The following ANO4 variants were observed in gnomAD, a reference collection of about 807,000 sequenced individuals.
ANO4 encodes anoctamin-4.
Under a neutral mutation model 141.9 loss-of-function variants are expected in ANO4, and 69 were observed. That is an observed-to-expected ratio of 0.49 (90% CI 0.40 to 0.59). ANO4 has a LOEUF of 0.59. ANO4 is among the 20% of genes least tolerant of loss of function. The probability of loss-of-function intolerance (pLI) is 0.00; values close to 1 mark genes in which losing one functional copy is unlikely to be tolerated. For missense variants in ANO4, 894 were observed against 1,162.2 expected, an observed-to-expected ratio of 0.77 and a Z score of 3.36; for synonymous variants, 350 against 394.3, an observed-to-expected ratio of 0.89 and a Z score of 1.33.
chr12:100,737,885 A>C (rs948284751), intron 2 of ANO4, among the ~76,000 whole-genome samples: 16 of 152,112 alleles, frequency 1.1e-4, no homozygotes, highest in African/African-American at 3.9e-4. Flanking sequence ...TGTTCCATTT[A>C]GGAAAATAGC....
intron 1 of ANO4, among the ~76,000 whole-genome samples, chr12:100,840,727 T>A (rs1354747649): frequency 6.6e-6 from 1 of 152,158 alleles, no homozygotes; most frequent in Non-Finnish European, 1.5e-5. Flanking sequence ...TTTTCCAGAC[T>A]GTAGTAACAT....
chr12:101,043,099 T>C (rs2136631467), intron 12 of ANO4, among the ~76,000 whole-genome samples: 1 of 152,334 alleles, frequency 6.6e-6, no homozygotes, highest in Non-Finnish European at 1.5e-5. Context: ...AATATAGTTT[T>C]CCCCCAGGAT....
At chr12:100,889,530 T>A (rs1424795215) in intron 1 of ANO4, among the ~76,000 whole-genome samples, 2 of 152,020 alleles carry the variant, frequency 1.3e-5, no homozygotes, top group African/African-American at 4.8e-5. Context: ...TACAATGAAC[T>A]CAAACAAATT....
At chr12:100,869,704 T>G (rs892355227) in intron 1 of ANO4, among the ~76,000 whole-genome samples, 1 of 152,196 alleles carries the variant, frequency 6.6e-6, no homozygotes, top group South Asian at 2.1e-4. Context: ...ACAGGGACTT[T>G]CTGATTTTTT....
intron 1 of ANO4, among the ~76,000 whole-genome samples, chr12:100,870,689 T>G (rs775558759): frequency 1.5e-4 from 23 of 152,066 alleles, no homozygotes; most frequent in Non-Finnish European, 8.8e-5. Context: ...GGACAATAAG[T>G]AAACTTTTGT....
chr12:100,732,703 C>T (rs905792958), intron 1 of ANO4, among the ~76,000 whole-genome samples: 1 of 152,156 alleles, frequency 6.6e-6, no homozygotes, highest in African/African-American at 2.4e-5. Flanking sequence ...GTTTCATAAA[C>T]AATTTCAAAT....
At chr12:100,915,770 G>T (rs2136081554) in intron 2 of ANO4, among the ~76,000 whole-genome samples, 1 of 152,116 alleles carries the variant, frequency 6.6e-6, no homozygotes, top group South Asian at 2.1e-4. Context: ...AAAAATTTTA[G>T]TTTCCCATTT....
intron 1 of ANO4, among the ~76,000 whole-genome samples, chr12:100,895,150 T>G (rs1399048801): frequency 6.7e-6 from 1 of 149,690 alleles, no homozygotes; most frequent in African/African-American, 2.5e-5. Context: ...TTCTACAGGT[T>G]TTTTTTTTTA....
Position 101,005,112 on chromosome 12 carries a change from A to G in ANO4, c.735-14922A>G, listed in dbSNP as rs191053361. Among the ~76,000 whole-genome samples, 658 of 152,316 alleles carry G rather than the reference A, an allele frequency of 4.3e-3. 20 individuals are homozygous for G. The highest frequency in any genetic ancestry group is 0.039 in the Admixed American group (602 of 15,294). The stretch of plus-strand genomic sequence containing the variant: ...AGATCAGACTAAGATGGAGGGAGCC[A>G]TGGTTGAGTCACTGAATAATAAACT... On this transcript the variant is annotated intron_variant, in intron 8 of 27. Coordinates refer to ENST00000392977, the MANE Select transcript of ANO4 (RefSeq NM_001286615.2).
At chr12:101,098,708 A>G (rs1466413075) in intron 21 of ANO4, among the ~76,000 whole-genome samples, 1 of 152,264 alleles carries the variant, frequency 6.6e-6, no homozygotes, top group Non-Finnish European at 1.5e-5. Context: ...AACAAAAATT[A>G]TCAGTGTTGT....
In ANO4 at chr12:101,096,541, C is replaced by T; in HGVS notation, c.1744C>T (p.Pro582Ser). The change falls in exon 19 of 28, where the codon CCT becomes TCT. Residue 582 changes from proline to serine, a missense_variant. Pro to Ser is a moderately conservative substitution (Grantham distance 74). Transcript: ENST00000392977. ...TGCTCACCTTTTGTCCACAGAACAG[C>T]CTCGCACAGAGTCTGAGTGGGAGAA... ...VALLLTNLEQ[P>S]RTESEWENSF... 1.2e-6 allele frequency: 2 copies of T among 1,612,688 alleles called. No homozygotes were observed. The highest frequency in any genetic ancestry group is 1.7e-6 in the Non-Finnish European group (2 of 1,178,902).
intron 7 of ANO4, among the ~76,000 whole-genome samples, chr12:100,980,552 T>C (rs1284353637): frequency 6.6e-6 from 1 of 152,202 alleles, no homozygotes; most frequent in African/African-American, 2.4e-5. Flanking sequence ...TTAAGTTAGC[T>C]TGGAGTTTCA....
intron 1 of ANO4, among the ~76,000 whole-genome samples, chr12:100,796,793 C>T (rs1029746834): frequency 1.3e-5 from 2 of 151,878 alleles, no homozygotes; most frequent in Non-Finnish European, 2.9e-5. Context: ...TAATGTTTAG[C>T]TGTTTACTTT....
intron 14 of ANO4, among the ~76,000 whole-genome samples, chr12:101,065,428 C>T (rs1485068629): frequency 6.6e-6 from 1 of 152,074 alleles, no homozygotes; most frequent in East Asian, 1.9e-4. Flanking sequence ...AAAAAGGAGA[C>T]ATTACAACTG....
At chr12:101,008,445 CTGTT>C (rs1216558652) in intron 8 of ANO4, among the ~76,000 whole-genome samples, 1 of 152,058 alleles carries the variant, frequency 6.6e-6, no homozygotes, top group African/African-American at 2.4e-5. Flanking sequence ...TAAGAATTTG[CTGTT>C]TGTTTCTTCC....
At chr12:100,953,824 G>T (rs2043071721) in intron 5 of ANO4, among the ~76,000 whole-genome samples, 1 of 152,128 alleles carries the variant, frequency 6.6e-6, no homozygotes. Context: ...TTTGTTTTGT[G>T]CATTCCTATG....
At chr12:100,911,642 A>G (rs1164659786) in intron 2 of ANO4, among the ~76,000 whole-genome samples, 1 of 152,064 alleles carries the variant, frequency 6.6e-6, no homozygotes, top group Non-Finnish European at 1.5e-5. Flanking sequence ...AGTTTCAAAG[A>G]TTTCTTTCTG....
chr12:100,882,779 A>G (rs2039632903), intron 1 of ANO4, among the ~76,000 whole-genome samples: 1 of 151,450 alleles, frequency 6.6e-6, no homozygotes, highest in Admixed American at 6.6e-5. Flanking sequence ...GCTCTCTGCA[A>G]CCTCTGCCTC....
chr12:100,731,827 C>T (rs936262045), intron 1 of ANO4, among the ~76,000 whole-genome samples: 1 of 152,158 alleles, frequency 6.6e-6, no homozygotes, highest in Admixed American at 6.5e-5. Context: ...GACCTGATAG[C>T]TCATTTCATT....
Sources: allele counts gnomAD v4.1 joint callset (sites outside exome capture counted in the v4.1 genomes callset), GRCh38; gene constraint gnomAD v4.1.1; transcripts MANE v1.5; gene names NCBI Gene and HGNC (gene_info 2026-07-23, HGNC 2026-07-21).